HIF3A: variants seen among roughly 807,000 people sequenced by gnomAD.
HIF3A encodes the protein hypoxia inducible factor 3 subunit alpha.
Under a neutral mutation model 67.2 loss-of-function variants are expected in HIF3A, and 41 were observed. The observed-to-expected ratio is 0.61, with a 90% CI of 0.48 to 0.79. The LOEUF (loss-of-function observed/expected upper bound fraction) is 0.79, where lower values mean the gene tolerates loss of function less well. Ranked by LOEUF, HIF3A falls within the 30% of genes least tolerant of loss-of-function variation. HIF3A has a pLI of 0.00. For synonymous variants in HIF3A, 356 were observed against 374.8 expected, an observed-to-expected ratio of 0.95 and a Z score of 0.58; for missense variants, 855 against 898.0, an observed-to-expected ratio of 0.95 and a Z score of 0.61.
At chr19:46,300,317 G>A (rs1386319895) in intron 1 of HIF3A, among the ~76,000 whole-genome samples, 1 of 152,154 alleles carries the variant, frequency 6.6e-6, no homozygotes, top group Non-Finnish European at 1.5e-5. Context: ...AGCCCAAGAA[G>A]CTCCTAAGCC....
chr19:46,326,184 C>G (rs1970766393), intron 11 of HIF3A, among the ~76,000 whole-genome samples: 1 of 152,168 alleles, frequency 6.6e-6, no homozygotes, highest in Non-Finnish European at 1.5e-5. Flanking sequence ...AGGCCTCAAT[C>G]CCTCACTTTG....
At chr19:46,336,287 TTTCACCATG>T (rs1971613444) in intron 14 of HIF3A, among the ~76,000 whole-genome samples, 1 of 151,658 alleles carries the variant, frequency 6.6e-6, no homozygotes. Context: ...AGAGACAGGG[TTTCACCATG>T]TTAGCCAGGA....
rs1970757356 is a variant in HIF3A, at chr19:46,326,051, A to G, written c.1440+412A>G. Among the ~76,000 whole-genome samples the G allele has an allele frequency of 2.6e-5, 4 of 152,212 alleles. No individual in the cohort carries two copies. The South Asian group carries it at 6.2e-4, about 24-fold the overall frequency. ...GGTGACTGAATATCAGAAATTCAGG[A>G]GCACCTTATCTGCTGGTTTTTGCTG... On this transcript the variant is annotated intron_variant, in intron 11 of 14. Coordinates refer to ENST00000377670, the MANE Select transcript of HIF3A (RefSeq NM_152795.4).
At chr19:46,334,529 T>A (rs1971474769) in intron 13 of HIF3A, among the ~76,000 whole-genome samples, 1 of 152,158 alleles carries the variant, frequency 6.6e-6, no homozygotes, top group Non-Finnish European at 1.5e-5. Context: ...GCCACTGCAC[T>A]TGCCCTTATT....
Position 46,334,955 on chromosome 19 carries a change from C to A in HIF3A, c.1881C>A (p.Ser627Arg). ...CCCCAGGGAGCCTGCAGGACCCCAGCACCCCACTCCTGAACCTGAATGAGC... is the reference window on the plus strand; with the variant it reads ...CCCCAGGGAGCCTGCAGGACCCCAGAACCCCACTCCTGAACCTGAATGAGC... ...GPAPGSLQDPSTPLLNLNEPL... is the reference protein window; with the variant it reads ...GPAPGSLQDPRTPLLNLNEPL... Residue 627 changes from serine (S) to arginine (R), a missense_variant, in exon 14 of 15, where the codon AGC (serine) becomes AGA (arginine). By Grantham distance (110) the Ser-to-Arg change is moderately radical (BLOSUM62 -1). Transcript: ENST00000377670. 2 of 1,608,304 alleles carry A rather than the reference C, an allele frequency of 1.2e-6. No individual in the cohort carries two copies. Among genetic ancestry groups the A allele is most frequent in the Non-Finnish European group, 1.7e-6 (2 of 1,177,354 alleles).
At chr19:46,315,432 GCA>G (rs1969835280) in intron 8 of HIF3A, among the ~76,000 whole-genome samples, 1 of 145,160 alleles carries the variant, frequency 6.9e-6, no homozygotes, top group African/African-American at 2.5e-5. Flanking sequence ...TATGAATAGA[GCA>G]CAGTTTTTTT....
chr19:46,318,668 T>A (rs991738190), intron 8 of HIF3A, among the ~76,000 whole-genome samples: 3 of 151,504 alleles, frequency 2.0e-5, no homozygotes, highest in Non-Finnish European at 2.9e-5. Context: ...TCACCCAGGC[T>A]GGAGTGCAGT....
At chr19:46,312,882 A>ATTTTTTTTTTTTTTTTTTTTTTTTTTT (rs531816670) in intron 8 of HIF3A, 1 of 733,958 alleles carries the variant, frequency 1.4e-6, no homozygotes, top group Non-Finnish European at 1.6e-6. Flanking sequence ...TAGACTGTTA[A>ATTTTTTTTTTTTTTTTTTTTTTTTTTT]TTTTTTTTTT....
chr19:46,338,316 T>G, intron 14 of HIF3A: 1 of 447,694 alleles, frequency 2.2e-6, no homozygotes, highest in Non-Finnish European at 4.5e-6. Flanking sequence ...ATCCTCCTAC[T>G]TCAGCTCCCA....
intron 13 of HIF3A, chr19:46,331,584 G>A (rs534368333): frequency 2.1e-4 from 38 of 177,060 alleles, no homozygotes; most frequent in Non-Finnish European, 4.1e-4. Flanking sequence ...AGCTGGGCGC[G>A]GTTGCTCACG....
intron 11 of HIF3A, among the ~76,000 whole-genome samples, chr19:46,326,630 G>A (rs921403501): frequency 5.3e-5 from 8 of 152,132 alleles, no homozygotes; most frequent in Non-Finnish European, 8.8e-5. Context: ...TCTGAATCTG[G>A]TCTTGGTGCT....
chr19:46,304,815 T>C (rs1363159852), intron 2 of HIF3A, among the ~76,000 whole-genome samples: 1 of 151,872 alleles, frequency 6.6e-6, no homozygotes, highest in East Asian at 2.0e-4. Context: ...CCTTCTTCTC[T>C]AGAGTTCTGT....
chr19:46,312,617 A>G lies in HIF3A; in HGVS notation c.989A>G (p.Gln330Arg), dbSNP rs1484419814. 5.0e-6 allele frequency: 8 copies of G among 1,588,276 alleles called. No individual in the cohort carries two copies. Among genetic ancestry groups the G allele is most frequent in the Non-Finnish European group, 6.9e-6 (8 of 1,166,784 alleles). The change falls in exon 8 of 15, where the codon CAG (glutamine) becomes CGG (arginine). Residue 330 changes from glutamine to arginine, a missense_variant. Transcript: ENST00000377670. ...GTGGTGTCAGGGGGACGGGGCCCCC[A>G]GTCGGAGAGTATCGTCTGTGTCCAT... is the stretch of plus-strand genomic sequence containing the variant. ...ATVVSGGRGP[Q>R]SESIVCVHFL...
At chr19:46,320,691 C>T (rs1025635419) in intron 9 of HIF3A, 130 bp downstream of exon 9, 52 of 657,922 alleles carry the variant, frequency 7.9e-5, no homozygotes, top group Non-Finnish European at 1.2e-4. Context: ...CGCACTCAGC[C>T]TCCAAAACAC....
chr19:46,302,844 A>G (rs1307322033), intron 1 of HIF3A, among the ~76,000 whole-genome samples: 1 of 152,238 alleles, frequency 6.6e-6, no homozygotes, highest in Non-Finnish European at 1.5e-5. Flanking sequence ...ATTGCACTCC[A>G]GCCTGGGCAA....
chr19:46,341,073 G>A lies in HIF3A; in HGVS notation c.*1451G>A, dbSNP rs1052843136. The A allele has an allele frequency of 6.6e-6, 1 of 151,902 alleles. No individual in the cohort carries two copies. The highest frequency in any genetic ancestry group is 1.5e-5 in the Non-Finnish European group (1 of 68,032). The allele number at this position is 151,902 out of a possible 1,614,324, so 9.4% of individuals were successfully genotyped here. ...ATCTCACACCCTCCAACGCCCTCCG[G>A]TTCCAGATCTTATATTCAGTGATTT... is the stretch of plus-strand genomic sequence containing the variant. On this transcript the variant is annotated 3_prime_UTR_variant, in exon 15 of 15. Transcript: ENST00000377670.
At chr19:46,303,499 T>C in intron 1 of HIF3A, 3 of 845,976 alleles carry the variant, frequency 3.5e-6, no homozygotes, top group East Asian at 5.3e-5. Flanking sequence ...CTCTCCTTCG[T>C]GGGCCCTCCC....
At chr19:46,332,996 A>C (rs1233135201) in intron 13 of HIF3A, among the ~76,000 whole-genome samples, 1 of 151,522 alleles carries the variant, frequency 6.6e-6, no homozygotes, top group African/African-American at 2.4e-5. Flanking sequence ...AAAAAAAAAA[A>C]ACAACCTCTC....
chr19:46,309,448 T>A, intron 6 of HIF3A, 89 bp downstream of exon 6: 1 of 707,256 alleles, frequency 1.4e-6, no homozygotes, highest in Non-Finnish European at 2.3e-6. Flanking sequence ...TCTCTCCTTC[T>A]CTCTCTCTCT....
Sources: gnomAD v4.1 joint callset for allele counts (sites outside exome capture counted in the v4.1 genomes callset) on GRCh38, gnomAD v4.1.1 for gene constraint, MANE v1.5 for transcripts, NCBI Gene and HGNC (gene_info 2026-07-23, HGNC 2026-07-21) for gene names.